UGP2: variants seen among roughly 807,000 people sequenced by gnomAD.
UGP2 encodes the protein UTP--glucose-1-phosphate uridylyltransferase.
A neutral mutation model predicts 49.0 loss-of-function variants in UGP2; 40 were observed. The observed-to-expected ratio is 0.82, with a 90% confidence interval of 0.63 to 1.06. The LOEUF (loss-of-function observed/expected upper bound fraction) is 1.06, where lower values mean the gene tolerates loss of function less well. UGP2 is among the 50% of genes least tolerant of loss of function. The pLI, the probability that UGP2 is intolerant of heterozygous loss-of-function variation, is 0.00. For missense variants in UGP2, 460 were observed against 603.5 expected, an observed-to-expected ratio of 0.76 and a Z score of 2.49; for synonymous variants, 225 against 213.0, an observed-to-expected ratio of 1.06 and a Z score of -0.49.
rs116591625 is a variant in UGP2 at position 63,869,718 on chromosome 2, G to C, written c.255+11782G>C. Among the ~76,000 whole-genome samples the C allele has an allele frequency of 8.5e-3, 1,291 of 152,230 alleles. 28 individuals are homozygous for C. The highest frequency in any genetic ancestry group is 0.03 in the African/African-American group (1,244 of 41,536). ...ATATTGAGCATGAATGATTGTGTTAGTACTGGTGTATGTAGCTGTTTGGAG... is the reference window on the plus strand; with the variant it reads ...ATATTGAGCATGAATGATTGTGTTACTACTGGTGTATGTAGCTGTTTGGAG... On this transcript the variant is annotated intron_variant, in intron 3 of 9. Coordinates refer to ENST00000337130, the MANE Select transcript of UGP2 (RefSeq NM_006759.4).
At chr2:63,843,636 A>G (rs1027078348) in intron 1 of UGP2, among the ~76,000 whole-genome samples, 2 of 152,258 alleles carry the variant, frequency 1.3e-5, no homozygotes, top group African/African-American at 4.8e-5. Flanking sequence ...TGTCCTCAGA[A>G]GATTCAAAAT....
intron 3 of UGP2, among the ~76,000 whole-genome samples, chr2:63,860,754 C>A (rs1669779232): frequency 6.7e-6 from 1 of 149,738 alleles, no homozygotes; most frequent in Non-Finnish European, 1.5e-5. Context: ...TGCCACCAGG[C>A]CCAGCTAATT....
intron 3 of UGP2, among the ~76,000 whole-genome samples, chr2:63,863,136 T>A (rs987194492): frequency 6.6e-6 from 1 of 152,162 alleles, no homozygotes; most frequent in African/African-American, 2.4e-5. Context: ...TACATAACTG[T>A]TGGTAGTGTT....
At chr2:63,887,296 A>G in intron 7 of UGP2, 106 bp from the exon 8 acceptor site, 1 of 1,488,792 alleles carries the variant, frequency 6.7e-7, no homozygotes, top group Non-Finnish European at 9.0e-7. Context: ...TTTTTCCATC[A>G]ATGGATCTCT....
intron 3 of UGP2, among the ~76,000 whole-genome samples, chr2:63,861,523 A>AG (rs1669843749): frequency 6.8e-6 from 1 of 146,180 alleles, no homozygotes; most frequent in Non-Finnish European, 1.6e-5. Context: ...CACCTCTACA[A>AG]ATTTTTTTTT....
At chr2:63,860,420 C>T (rs192111291) in intron 3 of UGP2, among the ~76,000 whole-genome samples, 71 of 152,284 alleles carry the variant, frequency 4.7e-4, no homozygotes, top group African/African-American at 1.6e-3. Flanking sequence ...GGAGTGGAGA[C>T]AGTATGGCTT....
intron 1 of UGP2, among the ~76,000 whole-genome samples, chr2:63,844,479 G>T (rs1253919326): frequency 6.6e-6 from 1 of 151,938 alleles, no homozygotes; most frequent in Non-Finnish European, 1.5e-5. Flanking sequence ...AGAGTCCTGA[G>T]ATGTAGATTT....
chr2:63,855,411 C>G (rs558995258), intron 1 of UGP2: 22 of 482,804 alleles, frequency 4.6e-5, no homozygotes, highest in African/African-American at 2.2e-4. Context: ...TCCAGTTGTC[C>G]CTATTTTATG....
intron 1 of UGP2, chr2:63,856,084 A>C: frequency 7.1e-6 from 3 of 423,992 alleles, no homozygotes; most frequent in Non-Finnish European, 1.2e-5. Flanking sequence ...GCACCTTGGA[A>C]TTGCCAATAC....
At chr2:63,855,778 G>A in intron 1 of UGP2, 1 of 322,066 alleles carries the variant, frequency 3.1e-6, no homozygotes, top group Non-Finnish European at 6.2e-6. Flanking sequence ...CTGGGCTCCA[G>A]GGTCTACCCG....
At chr2:63,866,023 A>G (rs1670162386) in intron 3 of UGP2, among the ~76,000 whole-genome samples, 1 of 152,192 alleles carries the variant, frequency 6.6e-6, no homozygotes, top group South Asian at 2.1e-4. Flanking sequence ...ACTGAATTGA[A>G]TGCTTTGGGA....
intron 1 of UGP2, among the ~76,000 whole-genome samples, chr2:63,847,941 C>G (rs768155942): frequency 5.2e-4 from 79 of 152,128 alleles, no homozygotes; most frequent in Non-Finnish European, 6.3e-4. Flanking sequence ...AGAAAGTTAG[C>G]AATATTAATT....
At chr2:63,877,077 T>C (rs1265235316) in intron 3 of UGP2, among the ~76,000 whole-genome samples, 1 of 152,268 alleles carries the variant, frequency 6.6e-6, no homozygotes, top group Non-Finnish European at 1.5e-5. Context: ...GTTACAGTTC[T>C]ATTTAGAAAT....
chr2:63,851,218 T>C (rs577287619), intron 1 of UGP2, among the ~76,000 whole-genome samples: 1 of 152,264 alleles, frequency 6.6e-6, no homozygotes, highest in African/African-American at 2.4e-5. Context: ...TGATCTACAG[T>C]TTAGTTACAT....
At chr2:63,867,556 A>G (rs1160587417) in intron 3 of UGP2, among the ~76,000 whole-genome samples, 9 of 152,346 alleles carry the variant, frequency 5.9e-5, no homozygotes, top group Admixed American at 3.9e-4. Flanking sequence ...TACCTCCTCT[A>G]TGTCAGGTAT....
At chr2:63,845,566 A>G (rs1671872154) in intron 1 of UGP2, among the ~76,000 whole-genome samples, 2 of 151,080 alleles carry the variant, frequency 1.3e-5, no homozygotes, top group South Asian at 4.2e-4. Context: ...TAACGTTTGG[A>G]CAATATGAAT....
At chr2:63,846,123 C>T (rs997691707) in intron 1 of UGP2, 2 of 152,214 alleles carry the variant, frequency 1.3e-5, no homozygotes, top group Non-Finnish European at 2.9e-5. Flanking sequence ...ATTCCTTCTG[C>T]TCTTCCTTGC....
At chr2:63,866,697 T>G (rs1670208265) in intron 3 of UGP2, among the ~76,000 whole-genome samples, 1 of 152,148 alleles carries the variant, frequency 6.6e-6, no homozygotes, top group South Asian at 2.1e-4. Flanking sequence ...TCCTGGAGAA[T>G]AAGAATGCAA....
intron 3 of UGP2, among the ~76,000 whole-genome samples, chr2:63,867,793 T>G (rs530357677): frequency 2.0e-5 from 3 of 152,364 alleles, no homozygotes; most frequent in Admixed American, 2.0e-4. Context: ...CATATTTACA[T>G]TCTTATAATT....
Sources: gnomAD v4.1 joint callset for allele counts (sites outside exome capture counted in the v4.1 genomes callset) on GRCh38, gnomAD v4.1.1 for gene constraint, MANE v1.5 for transcripts, NCBI Gene and HGNC (gene_info 2026-07-23, HGNC 2026-07-21) for gene names.